The following GPM6A variants were observed in gnomAD, a reference collection of about 807,000 sequenced individuals.
GPM6A encodes neuronal membrane glycoprotein M6-a.
Under a neutral mutation model 32.1 loss-of-function variants are expected in GPM6A, and 7 were observed. The observed-to-expected ratio is 0.22, with a 90% CI of 0.12 to 0.41. The LOEUF is 0.41. Among genes scored for constraint, GPM6A ranks in the 10% least tolerant of loss-of-function variants. The pLI, the probability that GPM6A is intolerant of heterozygous loss-of-function variation, is 1.00. For synonymous variants in GPM6A, 130 were observed against 123.4 expected (o/e 1.05, Z -0.35); for missense variants, 235 against 347.2 (o/e 0.68, Z 2.57).
At chr4:175,649,516 A>G (rs988131623) in intron 4 of GPM6A, among the ~76,000 whole-genome samples, 16 of 152,146 alleles carry the variant, frequency 1.1e-4, no homozygotes, top group African/African-American at 3.9e-4. Flanking sequence ...ATCTGGTTTG[A>G]TAATACCAAA....
intron 1 of GPM6A, among the ~76,000 whole-genome samples, chr4:175,762,725 C>T (rs189527998): frequency 1.4e-4 from 21 of 152,242 alleles, no homozygotes; most frequent in Non-Finnish European, 1.6e-4. Flanking sequence ...ATTGGCCACA[C>T]GTGAAAATGC....
At chr4:175,992,433 A>C (rs1741180523) in intron 1 of GPM6A, among the ~76,000 whole-genome samples, 1 of 152,216 alleles carries the variant, frequency 6.6e-6, no homozygotes. Flanking sequence ...AATTACTAAC[A>C]AGGAAAGATC....
chr4:175,644,233 C>G (rs901652045), intron 4 of GPM6A, among the ~76,000 whole-genome samples: 2 of 148,904 alleles, frequency 1.3e-5, no homozygotes, highest in African/African-American at 4.9e-5. Context: ...ACGCCATTCT[C>G]CTGCCTCAGC....
At chr4:175,865,343 T>C (rs1196004863) in intron 1 of GPM6A, among the ~76,000 whole-genome samples, 1 of 152,210 alleles carries the variant, frequency 6.6e-6, no homozygotes. Context: ...TAATGATAAG[T>C]ATTGTTGTCA....
chr4:175,645,400 C>T (rs2333251), intron 4 of GPM6A, among the ~76,000 whole-genome samples: 102,869 of 151,962 alleles, frequency 0.68, 37,155 homozygotes, highest in South Asian at 0.8. Flanking sequence ...AGTTGAAGTG[C>T]GACTCCTAGG....
intron 1 of GPM6A, among the ~76,000 whole-genome samples, chr4:175,782,774 G>A (rs1262497958): frequency 6.6e-6 from 1 of 151,894 alleles, no homozygotes; most frequent in Non-Finnish European, 1.5e-5. Flanking sequence ...ATAAATAAAT[G>A]TCAAAATTAA....
intron 1 of GPM6A, among the ~76,000 whole-genome samples, chr4:175,873,590 G>T (rs1044143852): frequency 6.6e-6 from 1 of 151,910 alleles, no homozygotes; most frequent in African/African-American, 2.4e-5. Context: ...TTTTCTCATA[G>T]ACAACTAACA....
At chr4:175,982,567 G>C (rs1740849664) in intron 1 of GPM6A, among the ~76,000 whole-genome samples, 1 of 152,056 alleles carries the variant, frequency 6.6e-6, no homozygotes, top group Non-Finnish European at 1.5e-5. Flanking sequence ...TGTGATGTGG[G>C]TTTATCTCTA....
intron 1 of GPM6A, among the ~76,000 whole-genome samples, chr4:175,866,089 T>C (rs1417714616): frequency 6.6e-6 from 1 of 152,246 alleles, no homozygotes; most frequent in African/African-American, 2.4e-5. Context: ...AGTTATTTAA[T>C]CTATTGCCAT....
At chr4:175,903,583 C>T (rs1203282698) in intron 1 of GPM6A, among the ~76,000 whole-genome samples, 4 of 152,132 alleles carry the variant, frequency 2.6e-5, no homozygotes, top group South Asian at 2.1e-4. Context: ...CAAACAACAA[C>T]GTGCCTCCTG....
At chr4:175,802,794 G>T (rs1028556250) in intron 1 of GPM6A, among the ~76,000 whole-genome samples, 55 of 152,096 alleles carry the variant, frequency 3.6e-4, no homozygotes, top group African/African-American at 1.2e-3. Context: ...GTAACCATTT[G>T]CTGAATCTGA....
In GPM6A at chr4:175,647,942, G is replaced by T. The variant is rs138836572; in HGVS notation, c.541+3892C>A. ...CGTCTTAATAGCTCATGTAAAGGCT[G>T]CATGACATCTAAAAAGTGCCTTCTC... On this transcript the variant is annotated intron_variant, in intron 4 of 6. Transcript: ENST00000393658. 3.3e-3 allele frequency among the ~76,000 whole-genome samples: 508 copies of T among 152,212 alleles called. 3 individuals are homozygous for T. The highest frequency in any genetic ancestry group is 0.011 in the African/African-American group (469 of 41,526).
At chr4:175,693,321 A>G (rs1744401661) in intron 2 of GPM6A, among the ~76,000 whole-genome samples, 1 of 149,110 alleles carries the variant, frequency 6.7e-6, no homozygotes, top group Non-Finnish European at 1.5e-5. Context: ...ATATAAGTAT[A>G]TATATATTTG....
intron 2 of GPM6A, among the ~76,000 whole-genome samples, chr4:175,699,715 T>A (rs976615676): frequency 6.6e-5 from 10 of 152,136 alleles, no homozygotes; most frequent in African/African-American, 2.4e-4. Flanking sequence ...TATTTTCTTA[T>A]CAGTCTTTCT....
At chr4:175,851,969 T>A (rs1389017523) in intron 1 of GPM6A, among the ~76,000 whole-genome samples, 2 of 152,046 alleles carry the variant, frequency 1.3e-5, no homozygotes, top group Admixed American at 6.6e-5. Context: ...GGAAAGAAGA[T>A]GTTAGCCCCA....
intron 4 of GPM6A, among the ~76,000 whole-genome samples, chr4:175,646,293 A>G (rs1741459934): frequency 2.6e-5 from 4 of 152,242 alleles, no homozygotes; most frequent in Non-Finnish European, 4.4e-5. Flanking sequence ...TAGTTCAGTA[A>G]TTAGCAATGA....
chr4:175,729,250 T>C (rs1731310171), intron 1 of GPM6A, among the ~76,000 whole-genome samples: 1 of 152,184 alleles, frequency 6.6e-6, no homozygotes, highest in Non-Finnish European at 1.5e-5. Context: ...ATAGTGCCTA[T>C]TTTCATTCTC....
rs78779661 is a variant in GPM6A at position 175,968,702 on chromosome 4, A to G, written c.-23+33607T>C. 3.2e-3 allele frequency among the ~76,000 whole-genome samples: 491 copies of G among 152,324 alleles called. 9 individuals are homozygous for G. Among genetic ancestry groups the G allele is most frequent in the Non-Finnish European group, 1.1e-3 (74 of 68,018 alleles). On this transcript the variant is annotated intron_variant, in intron 1 of 7. Coordinates refer to the GPM6A transcript ENST00000280187. ...ATACTCCACATCATATGTCATTTAA[A>G]CAACTGAAGGATAAAAGAATAAGAT...
At chr4:175,827,857 T>C (rs1421683786) in intron 1 of GPM6A, among the ~76,000 whole-genome samples, 1 of 152,162 alleles carries the variant, frequency 6.6e-6, no homozygotes, top group Non-Finnish European at 1.5e-5. Flanking sequence ...ACAGACATGG[T>C]TGGCACTCAG....
Sources: gnomAD v4.1 joint callset for allele counts (sites outside exome capture counted in the v4.1 genomes callset) on GRCh38, gnomAD v4.1.1 for gene constraint, MANE v1.5 for transcripts, NCBI Gene and HGNC (gene_info 2026-07-23, HGNC 2026-07-21) for gene names.